FBN2: variants seen among roughly 807,000 people sequenced by gnomAD.
FBN2 encodes fibrillin-2.
In FBN2, 105 loss-of-function variants were observed where a neutral mutation model predicts 355.6. That is an observed-to-expected ratio of 0.30 (90% CI 0.25 to 0.35). The LOEUF (loss-of-function observed/expected upper bound fraction) is 0.35. FBN2 is among the 10% of genes least tolerant of loss of function. The probability of loss-of-function intolerance (pLI) is 1.00; values close to 1 mark genes in which losing one functional copy is unlikely to be tolerated. For missense variants in FBN2, 3,280 were observed against 3,758.7 expected (o/e 0.87, Z 3.33); for synonymous variants, 1,350 against 1,301.2 (o/e 1.04, Z -0.81).
chr5:128,272,414 G>A (rs1231198111), intron 61 of FBN2, among the ~76,000 whole-genome samples: 1 of 148,656 alleles, frequency 6.7e-6, no homozygotes, highest in African/African-American at 2.5e-5. Context: ...CACAAATGTT[G>A]TACATTTTGA....
chr5:128,393,167 G>A lies in FBN2; in HGVS notation c.1433C>T (p.Ala478Val). Residue 478 changes from alanine (A) to valine (V), a missense_variant, in exon 10 of 65, where the codon GCC (alanine) becomes GTC (valine). Transcript: ENST00000262464. ...AGTGATGATAGGTCCCTGTCCCCCG[G>A]CCCCCACACCGGCTCCCCCAACGCC... The part of the protein sequence containing the change: ...SPGVGGAGVG[A>V]GGQGPIITGL... 6.2e-7 allele frequency: 1 copy of A among 1,613,992 alleles called. No homozygotes were observed. Among genetic ancestry groups the A allele is most frequent in the Non-Finnish European group, 8.5e-7 (1 of 1,179,930 alleles).
At chr5:128,387,176 T>C (rs1447209222) in intron 11 of FBN2, among the ~76,000 whole-genome samples, 1 of 152,100 alleles carries the variant, frequency 6.6e-6, no homozygotes. Context: ...TTGGGAGATG[T>C]TATGTTTCCA....
intron 7 of FBN2, among the ~76,000 whole-genome samples, chr5:128,411,722 G>A (rs1422292753): frequency 2.0e-5 from 3 of 152,216 alleles, no homozygotes; most frequent in Admixed American, 6.5e-5. Context: ...AGGAATTCAT[G>A]ATCTCATTTA....
chr5:128,393,505 T>G (rs1752575507), intron 9 of FBN2, 137 bp from the exon 10 acceptor site: 1 of 693,900 alleles, frequency 1.4e-6, no homozygotes. Context: ...TCTCAATACA[T>G]GTTTTTAATG....
At chr5:128,419,539 G>C (rs1327450211) in intron 7 of FBN2, among the ~76,000 whole-genome samples, 1 of 151,696 alleles carries the variant, frequency 6.6e-6, no homozygotes, top group African/African-American at 2.4e-5. Context: ...GAATACAAGG[G>C]TATTGGCTTT....
At chr5:128,416,053 T>G (rs1295635040) in intron 7 of FBN2, among the ~76,000 whole-genome samples, 1 of 150,974 alleles carries the variant, frequency 6.6e-6, no homozygotes, top group Non-Finnish European at 1.5e-5. Flanking sequence ...TTAGACAGAG[T>G]TTTGCTCTTG....
At chr5:128,528,068 A>C (rs1350874176) in intron 3 of FBN2, 101 bp from the exon 4 acceptor site, 1 of 771,456 alleles carries the variant, frequency 1.3e-6, no homozygotes, top group Non-Finnish European at 2.3e-6. Flanking sequence ...CAATTCAATG[A>C]CAATTATATC....
chr5:128,286,626 TG>T (rs1749153771), intron 55 of FBN2, 91 bp downstream of exon 55: 2 of 1,452,346 alleles, frequency 1.4e-6, no homozygotes, highest in Admixed American at 3.3e-5. Flanking sequence ...GAAAAAGAGT[TG>T]GCTTGCAGTT....
At position 128,378,764 on chromosome 5, in the gene FBN2, G is replaced by T; in HGVS notation, c.1723+7C>A. On this transcript the variant is annotated splice_region_variant and intron_variant, in intron 12 of 64. Coordinates refer to ENST00000262464, the MANE Select transcript of FBN2 (RefSeq NM_001999.4). ...ACATTTTCATATGTGAAAGCAAACTGCCTTACCAATGCATGCTTGCTTGGT... is the reference window on the plus strand; with the variant it reads ...ACATTTTCATATGTGAAAGCAAACTTCCTTACCAATGCATGCTTGCTTGGT... 4 of 1,612,746 alleles carry T rather than the reference G, an allele frequency of 2.5e-6. No homozygotes were observed. The highest frequency in any genetic ancestry group is 3.4e-6 in the Non-Finnish European group (4 of 1,179,130).
At chr5:128,473,589 T>C (rs1253502091) in intron 5 of FBN2, among the ~76,000 whole-genome samples, 1 of 152,190 alleles carries the variant, frequency 6.6e-6, no homozygotes, top group Non-Finnish European at 1.5e-5. Flanking sequence ...CCCTACACTA[T>C]GTTCCTTCAC....
chr5:128,368,178 C>A (rs1464310896), intron 16 of FBN2, among the ~76,000 whole-genome samples: 1 of 151,972 alleles, frequency 6.6e-6, no homozygotes, highest in Non-Finnish European at 1.5e-5. Flanking sequence ...CATTTGCCTG[C>A]CTGTATTCTC....
intron 34 of FBN2, among the ~76,000 whole-genome samples, chr5:128,327,412 GTTTT>G (rs898327599): frequency 6.6e-5 from 10 of 152,178 alleles, no homozygotes; most frequent in African/African-American, 2.4e-4. Flanking sequence ...GTATAATTTG[GTTTT>G]GTTTGGTTGA....
chr5:128,288,251 C>G (rs1262561604), intron 53 of FBN2, among the ~76,000 whole-genome samples, 187 bp downstream of exon 53: 2 of 152,150 alleles, frequency 1.3e-5, no homozygotes, highest in African/African-American at 4.8e-5. Flanking sequence ...AAGGGCTTTA[C>G]AGCAGCTATT....
chr5:128,437,243 C>T (rs1753788450), intron 7 of FBN2, among the ~76,000 whole-genome samples: 2 of 152,076 alleles, frequency 1.3e-5, no homozygotes, highest in East Asian at 3.9e-4. Flanking sequence ...AAATGCCCAT[C>T]AATGGGAAAG....
At chr5:128,389,796 C>T (rs963853410) in intron 11 of FBN2, among the ~76,000 whole-genome samples, 1 of 152,212 alleles carries the variant, frequency 6.6e-6, no homozygotes, top group Non-Finnish European at 1.5e-5. Flanking sequence ...TTCTCAGGGT[C>T]AGGAACAAGT....
At chr5:128,319,555 G>A in intron 34 of FBN2, among the ~76,000 whole-genome samples, 1 of 151,456 alleles carries the variant, frequency 6.6e-6, no homozygotes, top group East Asian at 1.9e-4. Context: ...TAACTTTTTA[G>A]TTTTTACTTC....
At chr5:128,417,234 C>T (rs1391052916) in intron 7 of FBN2, among the ~76,000 whole-genome samples, 3 of 152,040 alleles carry the variant, frequency 2.0e-5, no homozygotes, top group Non-Finnish European at 2.9e-5. Context: ...ATTTATTTAT[C>T]AGATCTAAGA....
At chr5:128,373,928 G>A (rs989567874) in intron 15 of FBN2, among the ~76,000 whole-genome samples, 1 of 152,126 alleles carries the variant, frequency 6.6e-6, no homozygotes, top group Non-Finnish European at 1.5e-5. Context: ...GTGATGAGGA[G>A]TAACATTTTG....
In FBN2 at chr5:128,519,349, A is replaced by G. The variant is rs1756368578; in HGVS notation, c.552T>C (p.Cys184=). Residue 184 remains cysteine (C), a synonymous_variant, in exon 5 of 65, where the codon TGT becomes TGC. Transcript: ENST00000262464. ...GTCCGATGCAACGTCCACCATTCTG[A>G]CATCCATTTTCACAGACAGCTGCAT... ...YCGQPVCENG[C]QNGGRCIGPN... 1 of 1,613,842 alleles carries G rather than the reference A, an allele frequency of 6.2e-7. No individual in the cohort carries two copies. The highest frequency in any genetic ancestry group is 8.5e-7 in the Non-Finnish European group (1 of 1,179,930).
Sources: allele counts gnomAD v4.1 joint callset (sites outside exome capture counted in the v4.1 genomes callset), GRCh38; gene constraint gnomAD v4.1.1; transcripts MANE v1.5; gene names NCBI Gene and HGNC (gene_info 2026-07-23, HGNC 2026-07-21).